Variants in POMP observed in about 807,000 individuals in gnomAD.
POMP encodes the protein 2510048O06Rik.
Under a neutral mutation model 20.6 loss-of-function variants are expected in POMP, and 12 were observed. The observed-to-expected ratio is 0.58, with a 90% CI of 0.37 to 0.94. POMP has a LOEUF of 0.94. POMP is among the 40% of genes least tolerant of loss of function. The probability of loss-of-function intolerance (pLI) is 0.01; values close to 1 mark genes in which losing one functional copy is unlikely to be tolerated. For synonymous variants in POMP, 53 were observed against 55.0 expected (o/e 0.96, Z 0.16); for missense variants, 136 against 161.1 (o/e 0.84, Z 0.84).
rs1161053010 is a variant in POMP at position 28,662,440 on chromosome 13, G to A, written c.34G>A (p.Asp12Asn). The change falls in exon 2 of 6, where the codon GAC becomes AAC. Residue 12 changes from aspartate (D) to asparagine (N), a missense_variant. Transcript: ENST00000380842. ...CAGAGGACTTGGATCTGAGCTAAAG[G>A]ACAGTATTCCAGTTACTGAACTTTC... ...NARGLGSELKDSIPVTELSAS... is the reference protein window; with the variant it reads ...NARGLGSELKNSIPVTELSAS... 3.1e-6 allele frequency: 5 copies of A among 1,613,846 alleles called. No homozygotes were observed. Among genetic ancestry groups the A allele is most frequent in the Non-Finnish European group, 4.2e-6 (5 of 1,179,794 alleles).
rs780561337 is a variant in POMP at position 28,664,495 on chromosome 13, T to A, written c.102-14T>A. On this transcript the variant is annotated splice_polypyrimidine_tract_variant and intron_variant, in intron 2 of 5. Transcript: ENST00000380842. ...TAATCTCCTCTAAATGTTTTTTTTT[T>A]AATGTCCTTTCAGTTTTTCTTGTGT... is the stretch of plus-strand genomic sequence containing the variant. The A allele has an allele frequency of 1.2e-5, 19 of 1,546,020 alleles. No individual in the cohort carries two copies. The highest frequency in any genetic ancestry group is 1.5e-5 in the Non-Finnish European group (17 of 1,121,552).
chr13:28,676,458 C>A (rs1884630500), intron 5 of POMP, among the ~76,000 whole-genome samples: 1 of 152,172 alleles, frequency 6.6e-6, no homozygotes, highest in African/African-American at 2.4e-5. Flanking sequence ...ATTTGTCCAA[C>A]TTAAATATAC....
chr13:28,678,688 C>T lies in POMP; in HGVS notation c.*586C>T, dbSNP rs77143820. ...GTCTTTAAGTGAAAAATTAAAGCAA[C>T]CAGTAGATGTAGGTTAAACTTTTAC... On this transcript the variant is annotated 3_prime_UTR_variant, in exon 6 of 6. Transcript: ENST00000380842. 5,496 of 152,998 alleles carry T rather than the reference C, an allele frequency of 0.036. 313 individuals carry two copies. Among genetic ancestry groups the T allele is most frequent in the African/African-American group, 0.12 (5,133 of 41,506 alleles). 9.5% of individuals were successfully genotyped at this position (152,998 alleles called of 1,614,324 possible).
In POMP at chr13:28,678,498, T is replaced by C. The variant is rs562015819; in HGVS notation, c.*396T>C. On this transcript the variant is annotated 3_prime_UTR_variant, in exon 6 of 6. Transcript: ENST00000380842. ...TTCAGAATAAACATTTTTAATTGAT[T>C]TCAGTGGCAACTCTCAAATTGATTA... The C allele has an allele frequency of 1.7e-4, 37 of 215,606 alleles. No individual in the cohort carries two copies. The highest frequency in any genetic ancestry group is 3.0e-4 in the Non-Finnish European group (32 of 106,292). The allele number at this position is 215,606 out of a possible 1,614,324, so 13.4% of individuals were successfully genotyped here.
chr13:28,669,042 A>G (rs573664482), intron 4 of POMP, among the ~76,000 whole-genome samples: 2 of 152,096 alleles, frequency 1.3e-5, no homozygotes, highest in African/African-American at 4.8e-5. Context: ...TCTCAAGCTG[A>G]TATCTTTAAC....
intron 5 of POMP, 139 bp downstream of exon 5, chr13:28,672,571 T>C: frequency 1.4e-6 from 1 of 736,682 alleles, no homozygotes; most frequent in South Asian, 1.4e-5. Context: ...TAAGATAAAG[T>C]TTAATGGTAG....
intron 2 of POMP, 109 bp from the exon 3 acceptor site, chr13:28,664,400 C>A: frequency 1.4e-6 from 1 of 700,820 alleles, no homozygotes; most frequent in South Asian, 1.8e-5. Flanking sequence ...ACAGTTTTGT[C>A]ACCCCAAAAA....
intron 2 of POMP, among the ~76,000 whole-genome samples, chr13:28,663,799 TC>T (rs1195819392): frequency 6.6e-6 from 1 of 151,472 alleles, no homozygotes; most frequent in African/African-American, 2.5e-5. Flanking sequence ...AAGATTTTTT[TC>T]CCCCCACATG....
chr13:28,670,372 A>G (rs1884526284), intron 4 of POMP, among the ~76,000 whole-genome samples: 1 of 152,076 alleles, frequency 6.6e-6, no homozygotes, highest in Non-Finnish European at 1.5e-5. Flanking sequence ...CTGCTCCCCC[A>G]AATCATTCAG....
intron 1 of POMP, 73 bp downstream of exon 1, chr13:28,659,260 C>T: frequency 6.4e-7 from 1 of 1,550,864 alleles, no homozygotes; most frequent in Non-Finnish European, 8.7e-7. Flanking sequence ...AGGCAGTCGC[C>T]TCCCAACCCG....
chr13:28,659,312 G>T, intron 1 of POMP, 125 bp downstream of exon 1: 1 of 1,451,118 alleles, frequency 6.9e-7, no homozygotes, highest in Non-Finnish European at 9.3e-7. Flanking sequence ...GCTGAGGCCG[G>T]CCTCAGGCGC....
intron 5 of POMP, among the ~76,000 whole-genome samples, chr13:28,673,831 C>T (rs1237640208): frequency 1.3e-5 from 2 of 152,162 alleles, no homozygotes; most frequent in East Asian, 3.8e-4. Flanking sequence ...TCTAGTCAGT[C>T]AAATATGTGT....
chr13:28,678,949 G>A lies in POMP; in HGVS notation c.*847G>A, dbSNP rs1884678408. ...AACATCTTTGATTAGATAAATTACT[G>A]ATTTGAAACATTTGGCAATGTCTAG... On this transcript the variant is annotated 3_prime_UTR_variant, in exon 6 of 6. Coordinates refer to ENST00000380842, the MANE Select transcript of POMP (RefSeq NM_015932.6). The A allele has an allele frequency of 6.6e-6, 1 of 152,122 alleles. No homozygotes were observed. 9.4% of individuals were successfully genotyped at this position (152,122 alleles called of 1,614,324 possible). A position where few individuals can be genotyped will look rare whatever the true frequency, so the allele number is the denominator to read the frequency against.
chr13:28,677,909 A>G (rs1188129948), intron 5 of POMP, 126 bp from the exon 6 acceptor site: 2 of 935,652 alleles, frequency 2.1e-6, no homozygotes, highest in African/African-American at 3.3e-5. Context: ...GCCCCAGGCA[A>G]TCACTGGTTT....
Position 28,678,442 on chromosome 13 carries a change from A to G in POMP, c.*340A>G. ...TTAGTTTTGATTAAGCATTATAAGC[A>G]TTTGAGTCTATAAACTTTATAGTAG... On this transcript the variant is annotated 3_prime_UTR_variant, in exon 6 of 6. Transcript: ENST00000380842. The G allele has an allele frequency of 3.6e-6, 1 of 275,630 alleles. No individual in the cohort carries two copies. Among genetic ancestry groups the G allele is most frequent in the Non-Finnish European group, 7.1e-6 (1 of 141,822 alleles). The allele number at this position is 275,630 out of a possible 1,614,324, so 17.1% of individuals were successfully genotyped here.
At chr13:28,668,951 T>C (rs942288994) in intron 4 of POMP, among the ~76,000 whole-genome samples, 1 of 150,718 alleles carries the variant, frequency 6.6e-6, no homozygotes, top group Non-Finnish European at 1.5e-5. Flanking sequence ...CTTCCAATTA[T>C]GTAAGAACCA....
chr13:28,673,070 CT>C (rs34619603), intron 5 of POMP, among the ~76,000 whole-genome samples: 710 of 126,424 alleles, frequency 5.6e-3, no homozygotes, highest in African/African-American at 0.013. Flanking sequence ...AGGAATCTGT[CT>C]TTTTTTTTTT....
chr13:28,670,316 A>G (rs1884525146), intron 4 of POMP, among the ~76,000 whole-genome samples: 1 of 152,128 alleles, frequency 6.6e-6, no homozygotes, highest in Non-Finnish European at 1.5e-5. Context: ...GAAATTGGAT[A>G]ATTAGCCTTG....
At chr13:28,665,695 G>T (rs1293535149) in intron 3 of POMP, among the ~76,000 whole-genome samples, 1 of 152,212 alleles carries the variant, frequency 6.6e-6, no homozygotes, top group African/African-American at 2.4e-5. Context: ...ATTTAATAGG[G>T]TAAGCAGTGA....
Sources: gnomAD v4.1 joint callset for allele counts (sites outside exome capture counted in the v4.1 genomes callset) on GRCh38, gnomAD v4.1.1 for gene constraint, MANE v1.5 for transcripts, NCBI Gene and HGNC (gene_info 2026-07-23, HGNC 2026-07-21) for gene names.